Variants in INSYN2A observed in about 807,000 individuals in gnomAD.
The protein encoded by INSYN2A is family with sequence similarity 196 member A.
INSYN2A carries 17 observed loss-of-function variants against 39.4 expected under a neutral mutation model. The observed-to-expected ratio is 0.43, with a 90% CI of 0.30 to 0.65. The LOEUF (loss-of-function observed/expected upper bound fraction) is 0.65. Among genes scored for constraint, INSYN2A ranks in the 30% least tolerant of loss-of-function variants. The pLI is 0.14. For synonymous variants in INSYN2A, 255 were observed against 265.7 expected (o/e 0.96, Z 0.39); for missense variants, 595 against 631.2 (o/e 0.94, Z 0.61).
chr10:127,185,979 C>G (rs960844787), intron 2 of INSYN2A, among the ~76,000 whole-genome samples: 1 of 152,128 alleles, frequency 6.6e-6, no homozygotes, highest in Non-Finnish European at 1.5e-5. Flanking sequence ...CTTGGGTACT[C>G]CCAAGATATG....
intron 2 of INSYN2A, among the ~76,000 whole-genome samples, chr10:127,183,001 C>T (rs767620781): frequency 8.6e-4 from 129 of 150,540 alleles, no homozygotes; most frequent in Non-Finnish European, 1.5e-3. Context: ...GAATCTCACT[C>T]ACATGAAAAC....
At chr10:127,166,256 A>G (rs1183519018) in intron 4 of INSYN2A, among the ~76,000 whole-genome samples, 2 of 152,034 alleles carry the variant, frequency 1.3e-5, no homozygotes, top group African/African-American at 2.4e-5. Flanking sequence ...TAGTAGAGAC[A>G]GGGTTTCACC....
intron 1 of INSYN2A, among the ~76,000 whole-genome samples, chr10:127,193,190 TC>T (rs1056613312): frequency 1.3e-5 from 2 of 152,134 alleles, no homozygotes; most frequent in African/African-American, 4.8e-5. Context: ...ACCAGTGGAA[TC>T]ATGGTGGGGA....
intron 4 of INSYN2A, among the ~76,000 whole-genome samples, chr10:127,157,233 G>C (rs1292236745): frequency 6.6e-6 from 1 of 152,206 alleles, no homozygotes; most frequent in East Asian, 1.9e-4. Flanking sequence ...TCAGTCATCT[G>C]TTGACCCAGG....
At chr10:127,141,911 C>G (rs1400529297) in intron 5 of INSYN2A, among the ~76,000 whole-genome samples, 3 of 152,220 alleles carry the variant, frequency 2.0e-5, no homozygotes, top group Non-Finnish European at 4.4e-5. Context: ...ACATTTTCTG[C>G]AAGACATACT....
At chr10:127,183,828 C>G (rs555681183) in intron 2 of INSYN2A, among the ~76,000 whole-genome samples, 3 of 152,166 alleles carry the variant, frequency 2.0e-5, no homozygotes, top group African/African-American at 7.2e-5. Context: ...AAAAATCTAC[C>G]TCTTATCAAT....
chr10:127,188,323 A>G (rs1437663872), intron 2 of INSYN2A, among the ~76,000 whole-genome samples: 1 of 152,214 alleles, frequency 6.6e-6, no homozygotes, highest in Non-Finnish European at 1.5e-5. Flanking sequence ...TGGGATGGCA[A>G]ATTCCAAGTA....
At chr10:127,162,861 C>T (rs1205290014) in intron 4 of INSYN2A, among the ~76,000 whole-genome samples, 1 of 152,198 alleles carries the variant, frequency 6.6e-6, no homozygotes. Context: ...AAGAATAAAA[C>T]ACAGGTCTCG....
intron 2 of INSYN2A, among the ~76,000 whole-genome samples, chr10:127,185,452 G>A (rs990074134): frequency 1.3e-5 from 2 of 152,132 alleles, no homozygotes; most frequent in African/African-American, 2.4e-5. Context: ...CTTGAACCAG[G>A]GAGTGGGAGG....
chr10:127,189,918 C>T (rs926992583), intron 2 of INSYN2A, among the ~76,000 whole-genome samples: 6 of 152,160 alleles, frequency 3.9e-5, no homozygotes, highest in African/African-American at 7.2e-5. Flanking sequence ...GTTGAAGTCA[C>T]GACGTCAAAT....
intron 1 of INSYN2A, among the ~76,000 whole-genome samples, chr10:127,195,450 G>A (rs1254709251): frequency 6.6e-6 from 1 of 152,060 alleles, no homozygotes; most frequent in African/African-American, 2.4e-5. Flanking sequence ...AGCATTTCAC[G>A]TGGGCATCTG....
At chr10:127,183,071 CTT>C (rs3066813) in intron 2 of INSYN2A, among the ~76,000 whole-genome samples, 44,782 of 88,964 alleles carry the variant, frequency 0.5, 10,727 homozygotes, top group East Asian at 0.71. Context: ...TATGGTGAAT[CTT>C]TTTTTTTTTT....
intron 4 of INSYN2A, among the ~76,000 whole-genome samples, chr10:127,170,348 C>G (rs2133821849): frequency 6.6e-6 from 1 of 152,308 alleles, no homozygotes; most frequent in East Asian, 1.9e-4. Context: ...CCCCCTACCC[C>G]AAGCCTGCAG....
chr10:127,176,468 A>G lies in INSYN2A; in HGVS notation c.-5-68T>C. 1 of 1,336,848 alleles carries G rather than the reference A, an allele frequency of 7.5e-7. No individual in the cohort carries two copies. Among genetic ancestry groups the G allele is most frequent in the Admixed American group, 2.2e-5 (1 of 46,402 alleles). The allele number at this position is 1,336,848 out of a possible 1,614,324, so 82.8% of individuals were successfully genotyped here. A position where few individuals can be genotyped will look rare whatever the true frequency, so the allele number is the denominator to read the frequency against. On this transcript the variant is annotated intron_variant, in intron 3 of 5. Transcript: ENST00000522781. The surrounding 1 kb of genome is among the most constrained non-coding windows in gnomAD (Gnocchi z 4.4). The stretch of plus-strand genomic sequence containing the variant: ...TACACACTCAAGCACCGGCCGCACA[A>G]ACTTTTAGCCACCACGACGACTGCC...
intron 2 of INSYN2A, among the ~76,000 whole-genome samples, chr10:127,178,121 T>C: frequency 6.6e-6 from 1 of 152,150 alleles, no homozygotes. Flanking sequence ...AGCCACCATC[T>C]AAAAGTAAGT....
chr10:127,177,165 A>G (rs897466791), intron 2 of INSYN2A, 26 bp from the exon 3 acceptor site: 2 of 152,124 alleles, frequency 1.3e-5, no homozygotes, highest in African/African-American at 4.8e-5. Context: ...AAAAGAAATT[A>G]CTCATTCTAG....
chr10:127,175,578 G>A lies in INSYN2A; in HGVS notation c.818C>T (p.Ser273Phe). ...ARAPEPGLSD[S>F]AAASQWSLCP... ...GAGTGACCACTGGCTGGCGGCTGCA[G>A]AGTCTGACAAACCAGGCTCGGGGGC... The change falls in exon 4 of 6, where the codon TCT (serine) becomes TTT (phenylalanine). Residue 273 changes from serine (S) to phenylalanine (F), a missense_variant. Around this residue, in one of 2 missense-constraint regions of INSYN2A, gnomAD observed 478 missense variants for 467.4 expected, o/e 1.02. Coordinates refer to ENST00000522781, the MANE Select transcript of INSYN2A (RefSeq NM_001039762.3). This position sits in a 1 kb window ranked among gnomAD's most constrained non-coding sequence, Gnocchi z 6.3. 6.2e-7 allele frequency: 1 copy of A among 1,612,204 alleles called. No individual in the cohort carries two copies. Among genetic ancestry groups the A allele is most frequent in the South Asian group, 1.1e-5 (1 of 91,074 alleles).
chr10:127,141,413 CA>C (rs1374752752), intron 5 of INSYN2A, among the ~76,000 whole-genome samples: 2 of 152,228 alleles, frequency 1.3e-5, no homozygotes, highest in South Asian at 2.1e-4. Context: ...TCTTAAAAGG[CA>C]AATTCTGGCC....
In INSYN2A at chr10:127,164,117, C is replaced by T. The variant is rs533825496; in HGVS notation, c.1185-10194G>A. 7.8e-4 allele frequency among the ~76,000 whole-genome samples: 116 copies of T among 148,020 alleles called. No homozygotes were observed. The South Asian group carries it at 0.019, about 24-fold the overall frequency. ...AGGGGTCAGCCGGGCTCCCTCTCCT[C>T]TCTTTCTCCCTTGGCCCTTTGTCTT... On this transcript the variant is annotated intron_variant, in intron 4 of 5. Transcript: ENST00000522781.
Sources: gnomAD v4.1 joint callset for allele counts (sites outside exome capture counted in the v4.1 genomes callset) on GRCh38, gnomAD v4.1.1 for gene constraint, gnomAD v4.1.1 regional missense constraint, Gnocchi (gnomAD v3.1) non-coding constraint, MANE v1.5 for transcripts, NCBI Gene and HGNC (gene_info 2026-07-23, HGNC 2026-07-21) for gene names.